Variants in KIAA1549L observed in about 807,000 individuals in gnomAD.
KIAA1549L encodes UPF0606 protein KIAA1549L.
A neutral mutation model predicts 160.7 loss-of-function variants in KIAA1549L; 88 were observed. That is an observed-to-expected ratio of 0.55 (90% CI 0.46 to 0.65). KIAA1549L has a LOEUF of 0.65. Ranked by LOEUF, KIAA1549L falls within the 30% of genes least tolerant of loss-of-function variation. The pLI is 0.00. For missense variants in KIAA1549L, 2,258 were observed against 2,437.5 expected (o/e 0.93, Z 1.55); for synonymous variants, 950 against 976.7 (o/e 0.97, Z 0.51).
chr11:33,581,650 A>T (rs11032303), intron 10 of KIAA1549L, among the ~76,000 whole-genome samples: 2,199 of 152,288 alleles, frequency 0.014, 52 homozygotes, highest in African/African-American at 0.046. Context: ...TTTTCCTATC[A>T]GTCCTCTACT....
At chr11:33,628,437 A>T (rs1214721365) in intron 16 of KIAA1549L, among the ~76,000 whole-genome samples, 1 of 150,910 alleles carries the variant, frequency 6.6e-6, no homozygotes, top group Non-Finnish European at 1.5e-5. Flanking sequence ...TTTGTAGGTC[A>T]CTCAGGACTT....
intron 1 of KIAA1549L, among the ~76,000 whole-genome samples, chr11:33,460,204 C>A (rs1381853602): frequency 6.6e-6 from 1 of 152,100 alleles, no homozygotes; most frequent in East Asian, 1.9e-4. Flanking sequence ...GCTCGCTGGC[C>A]TCTGGGAGAG....
chr11:33,407,081 A>ATTTTTTTTTTTTT (rs750670251), intron 1 of KIAA1549L, among the ~76,000 whole-genome samples: 1 of 100,136 alleles, frequency 1.0e-5, no homozygotes, highest in Admixed American at 1.3e-4. Context: ...TTCTTTTTTC[A>ATTTTTTTTTTTTT]TTTTTTTTTT....
chr11:33,384,395 C>T (rs1447341889), intron 1 of KIAA1549L, among the ~76,000 whole-genome samples: 1 of 152,162 alleles, frequency 6.6e-6, no homozygotes, highest in Non-Finnish European at 1.5e-5. Flanking sequence ...TGGGTTGTTT[C>T]CAGTTTATGA....
intron 1 of KIAA1549L, among the ~76,000 whole-genome samples, chr11:33,523,716 G>A (rs1273094762): frequency 6.6e-6 from 1 of 152,144 alleles, no homozygotes; most frequent in Non-Finnish European, 1.5e-5. Context: ...ATTCGTTTGT[G>A]TGTATGTGCT....
rs184061589 is a variant in KIAA1549L at position 33,667,466 on chromosome 11, C to A, written c.6160-407C>A. 6.1e-4 allele frequency among the ~76,000 whole-genome samples: 93 copies of A among 151,996 alleles called. 1 individual carries two copies. Among genetic ancestry groups the A allele is most frequent in the East Asian group, 4.9e-3 (25 of 5,144 alleles). Reference sequence around the variant, plus strand: ...GGAGTGCAGTGGTACAATCTCGGCTCATTGCAGCCTCTGCCTCCCGGGTTC... The same window carrying A: ...GGAGTGCAGTGGTACAATCTCGGCTAATTGCAGCCTCTGCCTCCCGGGTTC... On this transcript the variant is annotated intron_variant, in intron 20 of 20. Coordinates refer to ENST00000658780, the MANE Select transcript of KIAA1549L (RefSeq NM_012194.3).
At chr11:33,629,096 G>C (rs1368856730) in intron 16 of KIAA1549L, among the ~76,000 whole-genome samples, 6 of 152,110 alleles carry the variant, frequency 3.9e-5, no homozygotes, top group African/African-American at 1.4e-4. Flanking sequence ...TTTTCTTTAA[G>C]AATGTTGAAT....
At chr11:33,411,177 G>C (rs920272250) in intron 1 of KIAA1549L, among the ~76,000 whole-genome samples, 5 of 152,188 alleles carry the variant, frequency 3.3e-5, no homozygotes, top group Non-Finnish European at 7.3e-5. Flanking sequence ...GGAACACAAA[G>C]CTAGTATAGG....
At chr11:33,420,242 T>G (rs1392414767) in intron 1 of KIAA1549L, among the ~76,000 whole-genome samples, 5 of 147,932 alleles carry the variant, frequency 3.4e-5, no homozygotes, top group East Asian at 2.0e-4. Context: ...TTTGTTTTTT[T>G]TTTTTTTTTG....
At chr11:33,534,343 T>G (rs752611345) in intron 1 of KIAA1549L, among the ~76,000 whole-genome samples, 2 of 151,838 alleles carry the variant, frequency 1.3e-5, no homozygotes, top group Non-Finnish European at 1.5e-5. Flanking sequence ...CTGCTCCCCC[T>G]TGGCCTCTCA....
At chr11:33,416,709 A>G (rs1850896571) in intron 1 of KIAA1549L, among the ~76,000 whole-genome samples, 2 of 152,198 alleles carry the variant, frequency 1.3e-5, no homozygotes, top group South Asian at 4.1e-4. Flanking sequence ...TGTAAGGGAC[A>G]TCCGTGATTC....
chr11:33,538,377 C>T (rs1296060874), intron 1 of KIAA1549L, among the ~76,000 whole-genome samples: 1 of 152,224 alleles, frequency 6.6e-6, no homozygotes, highest in African/African-American at 2.4e-5. Flanking sequence ...GATCTCCTCA[C>T]TCCAGTGTGC....
At chr11:33,525,333 A>T (rs140626918) in intron 1 of KIAA1549L, among the ~76,000 whole-genome samples, 1 of 152,318 alleles carries the variant, frequency 6.6e-6, no homozygotes, top group Non-Finnish European at 1.5e-5. Context: ...GAAGGATTTA[A>T]CCTTATCTAG....
At chr11:33,565,335 A>G (rs899076750) in intron 8 of KIAA1549L, among the ~76,000 whole-genome samples, 5 of 152,294 alleles carry the variant, frequency 3.3e-5, no homozygotes, top group Admixed American at 3.3e-4. Context: ...CAAGGGGCAC[A>G]TCGTAACAAC....
intron 12 of KIAA1549L, among the ~76,000 whole-genome samples, chr11:33,595,069 T>A (rs1334973537): frequency 6.6e-6 from 1 of 152,238 alleles, no homozygotes; most frequent in Admixed American, 6.5e-5. Flanking sequence ...AAGTTTTCTT[T>A]AAATTTTTTT....
Position 33,503,950 on chromosome 11 carries a change from C to T in KIAA1549L, c.239-37852C>T, listed in dbSNP as rs186315056. ...TCACAAAGTTTTGCCTTCAAACTGC[C>T]TAAAGAATTGTTATATTAAAATCTT... On this transcript the variant is annotated intron_variant, in intron 1 of 20. Coordinates refer to ENST00000658780, the MANE Select transcript of KIAA1549L (RefSeq NM_012194.3). Among the ~76,000 whole-genome samples, 92 of 152,316 alleles carry T rather than the reference C, an allele frequency of 6.0e-4. No individual in the cohort carries two copies. In the Middle Eastern group the frequency reaches 0.024, roughly 39 times the overall value.
chr11:33,408,489 G>GTGTGTGTATATATATA (rs34208718), intron 1 of KIAA1549L, among the ~76,000 whole-genome samples: 3 of 123,076 alleles, frequency 2.4e-5, no homozygotes, highest in African/African-American at 9.7e-5. Flanking sequence ...CTGTATATGT[G>GTGTGTGTATATATATA]TATATATATA....
In KIAA1549L at chr11:33,542,580, A is replaced by C. The variant is rs1446017321; in HGVS notation, c.1017A>C (p.Ser339=). ...CAGAGGGTCCCCATTCAGCAGGTTCATCCACACCTGGGTTTTTGAGCCCCA... is the reference window on the plus strand; with the variant it reads ...CAGAGGGTCCCCATTCAGCAGGTTCCTCCACACCTGGGTTTTTGAGCCCCA... ...SPTEGPHSAG[S]STPGFLSPMA... is the part of the protein sequence containing the mutation. Residue 339 remains serine, a synonymous_variant, in exon 2 of 21, where the codon TCA becomes TCC. Transcript: ENST00000658780. 1 of 1,613,908 alleles carries C rather than the reference A, an allele frequency of 6.2e-7. No homozygotes were observed. The highest frequency in any genetic ancestry group is 1.7e-5 in the Admixed American group (1 of 60,020).
At chr11:33,631,253 G>T (rs571107711) in intron 16 of KIAA1549L, among the ~76,000 whole-genome samples, 1 of 152,156 alleles carries the variant, frequency 6.6e-6, no homozygotes, top group Non-Finnish European at 1.5e-5. Flanking sequence ...GCTCTGGCTG[G>T]CCCAGATGTG....
Sources: gnomAD v4.1 joint callset for allele counts (sites outside exome capture counted in the v4.1 genomes callset) on GRCh38, gnomAD v4.1.1 for gene constraint, MANE v1.5 for transcripts, NCBI Gene and HGNC (gene_info 2026-07-23, HGNC 2026-07-21) for gene names.